Variants in SCN11A observed in about 807,000 individuals in gnomAD.
The protein encoded by SCN11A is sodium channel protein type 11 subunit alpha.
Under a neutral mutation model 162.2 loss-of-function variants are expected in SCN11A, and 122 were observed. The observed-to-expected ratio is 0.75, with a 90% CI of 0.65 to 0.87. The LOEUF (loss-of-function observed/expected upper bound fraction) is 0.87. SCN11A is among the 40% of genes least tolerant of loss of function. The pLI is 0.00. For synonymous variants in SCN11A, 758 were observed against 751.5 expected (o/e 1.01, Z -0.14); for missense variants, 2,015 against 2,181.6 (o/e 0.92, Z 1.52).
chr3:38,856,350 C>G (rs1050482893), intron 28 of SCN11A, among the ~76,000 whole-genome samples: 1 of 152,152 alleles, frequency 6.6e-6, no homozygotes, highest in African/African-American at 2.4e-5. Flanking sequence ...ACCCTAGATT[C>G]AGGCTGTGTG....
At chr3:38,969,022 CT>C (rs1436406535) in intron 2 of SCN11A, among the ~76,000 whole-genome samples, 2 of 152,204 alleles carry the variant, frequency 1.3e-5, no homozygotes, top group African/African-American at 2.4e-5. Context: ...GTCACAGCCC[CT>C]ACCTACCATA....
At chr3:38,850,248 G>A (rs2126079117) in intron 29 of SCN11A, 1 of 484,666 alleles carries the variant, frequency 2.1e-6, no homozygotes, top group Non-Finnish European at 3.6e-6. Context: ...TTAGCTGCAT[G>A]ATTATTGAAC....
At chr3:38,957,104 A>G (rs2066690991) in intron 3 of SCN11A, among the ~76,000 whole-genome samples, 1 of 152,200 alleles carries the variant, frequency 6.6e-6, no homozygotes, top group Non-Finnish European at 1.5e-5. Context: ...AAAGTTAGAG[A>G]GACCCCCTAC....
Position 38,846,401 on chromosome 3 carries a change from T to C in SCN11A, c.*293A>G, listed in dbSNP as rs2064663177. 2 of 323,168 alleles carry C rather than the reference T, an allele frequency of 6.2e-6. No homozygotes were observed. Among genetic ancestry groups the C allele is most frequent in the Non-Finnish European group, 1.2e-5 (2 of 173,098 alleles). The allele number at this position is 323,168 out of a possible 1,614,324, so 20.0% of individuals were successfully genotyped here. On this transcript the variant is annotated 3_prime_UTR_variant, in exon 30 of 30. Transcript: ENST00000302328. ...TGCTGGGATTACAGGCATGAGCCACTGCGCCCGGCCTGAACTATTTCAATC... is the reference window on the plus strand; with the variant it reads ...TGCTGGGATTACAGGCATGAGCCACCGCGCCCGGCCTGAACTATTTCAATC...
rs112810757 is a variant in SCN11A at position 38,923,617 on chromosome 3, A to G, written c.712+1798T>C. Among the ~76,000 whole-genome samples, 117 of 152,314 alleles carry G rather than the reference A, an allele frequency of 7.7e-4. 2 individuals are homozygous for G. Among genetic ancestry groups the G allele is most frequent in the African/African-American group, 2.8e-3 (116 of 41,564 alleles). On this transcript the variant is annotated intron_variant, in intron 9 of 29. Coordinates refer to ENST00000302328, the MANE Select transcript of SCN11A (RefSeq NM_001349253.2). ...GAAATGCTATTGTTTCTACCTTTGAATTGACACAGAATCAAACCAGTGTCT... is the reference window on the plus strand; with the variant it reads ...GAAATGCTATTGTTTCTACCTTTGAGTTGACACAGAATCAAACCAGTGTCT...
intron 2 of SCN11A, among the ~76,000 whole-genome samples, chr3:38,999,820 C>G (rs1246371982): frequency 6.6e-6 from 1 of 152,124 alleles, no homozygotes; most frequent in Non-Finnish European, 1.5e-5. Context: ...TGCTTCCCAA[C>G]TTATAATTAT....
intron 28 of SCN11A, among the ~76,000 whole-genome samples, chr3:38,856,900 C>CAG (rs941665870): frequency 5.9e-5 from 9 of 152,076 alleles, no homozygotes; most frequent in Non-Finnish European, 1.2e-4. Context: ...GGATCTCATA[C>CAG]AGAGTCTTTA....
intron 19 of SCN11A, among the ~76,000 whole-genome samples, chr3:38,892,202 G>T (rs1011415655): frequency 2.6e-5 from 4 of 152,096 alleles, no homozygotes; most frequent in Non-Finnish European, 5.9e-5. Context: ...TTTCAAAAAT[G>T]AAGATGAAAT....
intron 7 of SCN11A, among the ~76,000 whole-genome samples, chr3:38,941,341 T>C (rs1391365720): frequency 6.6e-6 from 1 of 152,180 alleles, no homozygotes; most frequent in African/African-American, 2.4e-5. Flanking sequence ...AATAAAGACA[T>C]TTTCAGATCA....
chr3:38,939,045 T>C (rs2066400245), intron 7 of SCN11A, among the ~76,000 whole-genome samples: 1 of 151,982 alleles, frequency 6.6e-6, no homozygotes, highest in African/African-American at 2.4e-5. Context: ...TGGTGGTGCA[T>C]GTCTGTAATC....
At chr3:38,918,999 T>G (rs1362621432) in intron 11 of SCN11A, among the ~76,000 whole-genome samples, 1 of 152,252 alleles carries the variant, frequency 6.6e-6, no homozygotes, top group Non-Finnish European at 1.5e-5. Context: ...CATAGCCTAT[T>G]GTTCCTAGGC....
At position 38,970,792 on chromosome 3, in the gene SCN11A, G is replaced by A. The variant is rs116118880; in HGVS notation, c.-279-10369C>T. Among the ~76,000 whole-genome samples, 753 of 152,324 alleles carry A rather than the reference G, an allele frequency of 4.9e-3. 2 individuals carry two copies. The highest frequency in any genetic ancestry group is 7.6e-3 in the Non-Finnish European group (514 of 68,036). ...TGAGAAGAGGTCAGCACCATGGGCC[G>A]TGAGCACACCCTGACCATGAAGGCT... is the stretch of plus-strand genomic sequence containing the variant. On this transcript the variant is annotated intron_variant, in intron 2 of 29. Transcript: ENST00000302328.
chr3:38,933,992 C>A (rs61027478), intron 7 of SCN11A, among the ~76,000 whole-genome samples: 8,397 of 152,260 alleles, frequency 0.055, 775 homozygotes, highest in African/African-American at 0.19. Flanking sequence ...GGGTTACCCA[C>A]AAAGGGAAGC....
intron 2 of SCN11A, among the ~76,000 whole-genome samples, chr3:39,004,001 C>A (rs114695982): frequency 0.012 from 1,782 of 152,170 alleles, 41 homozygotes; most frequent in African/African-American, 0.041. Context: ...GTTTGTCTTG[C>A]TGTGATGAAG....
chr3:38,920,030 A>G, intron 10 of SCN11A, 29 bp from the exon 11 acceptor site: 1 of 1,549,604 alleles, frequency 6.5e-7, no homozygotes, highest in Non-Finnish European at 8.9e-7. Context: ...ATAAATTCAG[A>G]TTTTAAAAAA....
intron 1 of SCN11A, among the ~76,000 whole-genome samples, chr3:39,046,228 C>A (rs2032177884): frequency 6.7e-6 from 1 of 149,682 alleles, no homozygotes; most frequent in African/African-American, 2.5e-5. Context: ...CCACTGCACT[C>A]CAGCCTGGGC....
At chr3:38,873,893 C>G (rs1278768967) in intron 23 of SCN11A, among the ~76,000 whole-genome samples, 1 of 152,192 alleles carries the variant, frequency 6.6e-6, no homozygotes, top group African/African-American at 2.4e-5. Context: ...CTCCTTGTAA[C>G]TGTTGAGGAA....
chr3:38,951,648 C>G (rs1370901106), intron 4 of SCN11A, among the ~76,000 whole-genome samples: 2 of 152,246 alleles, frequency 1.3e-5, no homozygotes, highest in East Asian at 3.9e-4. Flanking sequence ...GTCTTTATAT[C>G]TAGCTCAGGG....
At chr3:38,869,687 C>A (rs1164936568) in intron 26 of SCN11A, among the ~76,000 whole-genome samples, 2 of 152,184 alleles carry the variant, frequency 1.3e-5, no homozygotes, top group Non-Finnish European at 2.9e-5. Flanking sequence ...TCTACTGCTA[C>A]TACAGGCTGA....
Sources: gnomAD v4.1 joint callset for allele counts (sites outside exome capture counted in the v4.1 genomes callset) on GRCh38, gnomAD v4.1.1 for gene constraint, MANE v1.5 for transcripts, NCBI Gene and HGNC (gene_info 2026-07-23, HGNC 2026-07-21) for gene names.